Variants in YLPM1 observed in about 807,000 individuals in gnomAD.
YLPM1 encodes the protein YLP motif containing 1.
In YLPM1, 99 loss-of-function variants were observed where a neutral mutation model predicts 230.0. The ratio of observed to expected loss-of-function variants is 0.43; its 90% CI spans 0.37 to 0.51. The LOEUF is 0.51. YLPM1 is among the 20% of genes least tolerant of loss of function. The pLI, the probability that YLPM1 is intolerant of heterozygous loss-of-function variation, is 0.00. For missense variants in YLPM1, 2,592 were observed against 2,707.7 expected, an observed-to-expected ratio of 0.96 and a Z score of 0.95; for synonymous variants, 984 against 942.5, an observed-to-expected ratio of 1.04 and a Z score of -0.81.
chr14:74,834,447 C>T (rs1267415663), intron 19 of YLPM1, among the ~76,000 whole-genome samples: 2 of 151,928 alleles, frequency 1.3e-5, no homozygotes, highest in East Asian at 3.9e-4. Context: ...AGTTATTGAT[C>T]TAGGGTGTTG....
intron 19 of YLPM1, among the ~76,000 whole-genome samples, chr14:74,834,297 T>A (rs572303364): frequency 1.5e-4 from 23 of 152,180 alleles, no homozygotes; most frequent in Non-Finnish European, 3.1e-4. Flanking sequence ...TATTTGTAGT[T>A]GTAATCTTGC....
chr14:74,827,777 C>T, intron 18 of YLPM1: 1 of 985,300 alleles, frequency 1.0e-6, no homozygotes, highest in Non-Finnish European at 1.2e-6. Flanking sequence ...GTTTGTGGGA[C>T]TTCGTTGGTT....
chr14:74,803,926 G>A (rs2091352620), intron 6 of YLPM1, among the ~76,000 whole-genome samples: 1 of 152,176 alleles, frequency 6.6e-6, no homozygotes, highest in East Asian at 1.9e-4. Context: ...GGGAGGCCAA[G>A]GCGGGTGGAT....
In YLPM1 at chr14:74,782,335, CT is replaced by C. The variant is rs745435007; in HGVS notation, c.2282+18del. The C allele has an allele frequency of 1.4e-6, 2 of 1,480,986 alleles. No homozygotes were observed. The highest frequency in any genetic ancestry group is 2.4e-5 in the East Asian group (1 of 42,542). The allele number at this position is 1,480,986 out of a possible 1,614,324, so 91.7% of individuals were successfully genotyped here. On this transcript the variant is annotated intron_variant, in intron 4 of 20. Transcript: ENST00000325680. ...GTCCAAGAGGCCCAAGGTAGGTCTG[CT>C]TTTTTTTCTCTTTTTTTTTGGTTTG...
intron 4 of YLPM1, among the ~76,000 whole-genome samples, chr14:74,796,817 ATCCTATATTT>A (rs976592176): frequency 1.7e-4 from 26 of 149,622 alleles, no homozygotes; most frequent in African/African-American, 6.4e-4. Context: ...ATTTATAATC[ATCCTATATTT>A]TCTTGTTAGT....
At chr14:74,771,523 G>A (rs1399711976) in intron 1 of YLPM1, among the ~76,000 whole-genome samples, 1 of 152,194 alleles carries the variant, frequency 6.6e-6, no homozygotes, top group East Asian at 1.9e-4. Context: ...CAGTGTGATA[G>A]GTGGAAAATC....
chr14:74,835,124 A>T, intron 19 of YLPM1, 141 bp from the exon 20 acceptor site: 2 of 1,069,520 alleles, frequency 1.9e-6, no homozygotes, highest in Non-Finnish European at 2.6e-6. Flanking sequence ...GGCTTTTCCC[A>T]GTTTTCCTGG....
rs367891717 is a variant in YLPM1, at chr14:74,803,380, A to C, written c.4521+704A>C. Among the ~76,000 whole-genome samples the C allele has an allele frequency of 3.9e-5, 6 of 152,196 alleles. No homozygotes were observed. In the South Asian group the frequency reaches 1.2e-3, roughly 32 times the overall value. ...TCAAATGTTTAAAATGTTATCTTGC[A>C]GGTAGTTTTATGACAGCATAATGAA... On this transcript the variant is annotated intron_variant, in intron 6 of 20. Transcript: ENST00000325680.
chr14:74,783,893 G>T (rs1027294478), intron 4 of YLPM1, among the ~76,000 whole-genome samples: 12 of 152,144 alleles, frequency 7.9e-5, no homozygotes, highest in African/African-American at 2.9e-4. Context: ...TAACAAAATG[G>T]CACTGAGAGG....
chr14:74,816,993 T>C lies in YLPM1; in HGVS notation c.5748T>C (p.Thr1916=), dbSNP rs916062640. ...EETYRTSMFK[T]FKKTLDDGFF... is the part of the protein sequence containing the mutation. ...CTTACCGCACCAGCATGTTCAAAAC[T>C]TTCAAAAAGACTCTGGATGATGGCT... Residue 1916 remains threonine (T), a synonymous_variant, in exon 14 of 21, where the codon ACT becomes ACC. Coordinates refer to ENST00000325680, the MANE Select transcript of YLPM1 (RefSeq NM_019589.3). 1 of 1,610,128 alleles carries C rather than the reference T, an allele frequency of 6.2e-7. No individual in the cohort carries two copies. Among genetic ancestry groups the C allele is most frequent in the African/African-American group, 1.3e-5 (1 of 74,802 alleles).
chr14:74,795,023 G>A (rs2140104991), intron 4 of YLPM1, among the ~76,000 whole-genome samples: 2 of 152,298 alleles, frequency 1.3e-5, no homozygotes, highest in African/African-American at 4.8e-5. Flanking sequence ...AATTACTTCT[G>A]CTGTTTGCAG....
Position 74,782,268 on chromosome 14 carries a change from G to T in YLPM1, c.2225G>T (p.Gly742Val). 1 of 1,579,632 alleles carries T rather than the reference G, an allele frequency of 6.3e-7. No individual in the cohort carries two copies. The highest frequency in any genetic ancestry group is 8.5e-7 in the Non-Finnish European group (1 of 1,171,574). Residue 742 changes from glycine (G) to valine (V), a missense_variant, in exon 4 of 21, where the codon GGT becomes GTT. Physicochemically the swap from Gly to Val is moderately radical, Grantham distance 109 (BLOSUM62 -3). Around this residue, in one of 4 missense-constraint regions of YLPM1, gnomAD observed 1,862 missense variants for 1,819.8 expected, o/e 1.02. Coordinates refer to ENST00000325680, the MANE Select transcript of YLPM1 (RefSeq NM_019589.3). ...TAVKDMPVRS[G>V]GLLPDPPRSS... ...GTGAAGGACATGCCAGTGAGATCAG[G>T]TGGCCTGCTTCCAGATCCTCCTAGA... is the stretch of plus-strand genomic sequence containing the variant.
chr14:74,814,848 A>G (rs182715174), intron 11 of YLPM1, among the ~76,000 whole-genome samples: 2 of 152,314 alleles, frequency 1.3e-5, no homozygotes, highest in Admixed American at 1.3e-4. Context: ...ATCCAGGCTT[A>G]GGCTTTTCTT....
intron 4 of YLPM1, among the ~76,000 whole-genome samples, chr14:74,784,943 C>A (rs1481338951): frequency 1.3e-5 from 2 of 152,184 alleles, no homozygotes; most frequent in African/African-American, 4.8e-5. Flanking sequence ...ACACTTACTT[C>A]AGATGCAGAG....
At chr14:74,794,133 T>C (rs1311842477) in intron 4 of YLPM1, among the ~76,000 whole-genome samples, 1 of 152,236 alleles carries the variant, frequency 6.6e-6, no homozygotes. Flanking sequence ...GCAATGGGTT[T>C]GTAAAAGGTC....
Position 74,796,182 on chromosome 14 carries a change from A to G in YLPM1, c.2283-1398A>G, listed in dbSNP as rs1367480019. Among the ~76,000 whole-genome samples, 5 of 152,354 alleles carry G rather than the reference A, an allele frequency of 3.3e-5. No individual in the cohort carries two copies. In the East Asian group the frequency reaches 7.7e-4, roughly 23 times the overall value. On this transcript the variant is annotated intron_variant, in intron 4 of 20. Coordinates refer to ENST00000325680, the MANE Select transcript of YLPM1 (RefSeq NM_019589.3). ...GAAGACCACCAGTAGTCTCTGCCAC[A>G]TGAGGCATACACAATCTTCTGGAGA...
chr14:74,782,384 T>C, intron 4 of YLPM1, 59 bp downstream of exon 4: 1 of 1,481,622 alleles, frequency 6.7e-7, no homozygotes. Context: ...ACTTAGGCTA[T>C]TTGGTTCTCG....
chr14:74,833,989 G>T (rs1234750947), intron 19 of YLPM1, among the ~76,000 whole-genome samples: 1 of 152,064 alleles, frequency 6.6e-6, no homozygotes, highest in Non-Finnish European at 1.5e-5. Flanking sequence ...CAGATTCATA[G>T]TTTCTTTTTA....
chr14:74,791,798 A>G (rs1299867687), intron 4 of YLPM1, among the ~76,000 whole-genome samples: 1 of 152,228 alleles, frequency 6.6e-6, no homozygotes, highest in Non-Finnish European at 1.5e-5. Flanking sequence ...GACAATCAGT[A>G]TGTGTTCAGT....
Sources: allele counts gnomAD v4.1 joint callset (sites outside exome capture counted in the v4.1 genomes callset), GRCh38; gene constraint gnomAD v4.1.1; regional missense constraint gnomAD v4.1.1; transcripts MANE v1.5; gene names NCBI Gene and HGNC (gene_info 2026-07-23, HGNC 2026-07-21).